The following OPCML variants were observed in gnomAD, a reference collection of about 807,000 sequenced individuals.
OPCML encodes opioid binding protein/cell adhesion molecule like.
OPCML carries 13 observed loss-of-function variants against 37.8 expected under a neutral mutation model. The observed-to-expected ratio is 0.34, with a 90% CI of 0.22 to 0.55. OPCML has a LOEUF of 0.55. OPCML is among the 20% of genes least tolerant of loss of function. OPCML has a pLI of 0.91. For missense variants in OPCML, 341 were observed against 435.6 expected (o/e 0.78, Z 1.93); for synonymous variants, 176 against 168.8 (o/e 1.04, Z -0.33).
intron 1 of OPCML, among the ~76,000 whole-genome samples, chr11:133,087,876 G>T (rs1948840137): frequency 6.6e-6 from 1 of 152,142 alleles, no homozygotes; most frequent in Non-Finnish European, 1.5e-5. Flanking sequence ...CTGTAAAACG[G>T]GCACTCAGCT....
At chr11:133,074,317 C>G (rs1035329211) in intron 1 of OPCML, among the ~76,000 whole-genome samples, 16 of 152,326 alleles carry the variant, frequency 1.1e-4, no homozygotes, top group Admixed American at 6.5e-4. Flanking sequence ...GACCAGAAGA[C>G]TTCTAAAGTC....
chr11:132,558,657 C>T (rs545455207), intron 3 of OPCML, among the ~76,000 whole-genome samples: 3 of 151,458 alleles, frequency 2.0e-5, no homozygotes, highest in Non-Finnish European at 2.9e-5. Flanking sequence ...CATAATACCT[C>T]TTTTATGATT....
At chr11:133,197,213 A>G (rs1215301402) in intron 1 of OPCML, among the ~76,000 whole-genome samples, 1 of 152,260 alleles carries the variant, frequency 6.6e-6, no homozygotes, top group Non-Finnish European at 1.5e-5. Flanking sequence ...ACCCTGAGTG[A>G]TACCATCAGG....
At chr11:133,102,519 T>A (rs1267885963) in intron 1 of OPCML, among the ~76,000 whole-genome samples, 1 of 152,016 alleles carries the variant, frequency 6.6e-6, no homozygotes, top group Non-Finnish European at 1.5e-5. Flanking sequence ...GAGGCCGAGG[T>A]GGGTGGATCA....
intron 4 of OPCML, among the ~76,000 whole-genome samples, chr11:132,520,674 ATGTG>A (rs1555144701): frequency 3.1e-5 from 4 of 128,094 alleles, no homozygotes; most frequent in South Asian, 2.7e-4. Flanking sequence ...CTAAATATAT[ATGTG>A]TGTGTGTGTG....
At chr11:133,123,358 ATTG>A (rs1215745607) in intron 1 of OPCML, among the ~76,000 whole-genome samples, 4 of 152,170 alleles carry the variant, frequency 2.6e-5, no homozygotes, top group South Asian at 2.1e-4. Context: ...TAGGGACCAT[ATTG>A]TTGTTTATCA....
intron 3 of OPCML, among the ~76,000 whole-genome samples, chr11:132,599,007 C>T (rs1038508719): frequency 9.2e-5 from 14 of 152,128 alleles, no homozygotes; most frequent in Admixed American, 9.2e-4. Context: ...TGGCCATGTG[C>T]AGTGGTTCAT....
intron 1 of OPCML, chr11:133,064,827 G>C (rs1280717146): frequency 6.6e-6 from 1 of 152,230 alleles, no homozygotes. Flanking sequence ...TGGAAGCCTG[G>C]CATGTGCTAA....
chr11:132,879,130 TG>T (rs1280150848), intron 2 of OPCML, among the ~76,000 whole-genome samples: 1 of 152,208 alleles, frequency 6.6e-6, no homozygotes, highest in East Asian at 1.9e-4. Context: ...TGGAGACAAA[TG>T]TCTAAAACAA....
At chr11:132,856,345 GAA>G (rs1473160067) in intron 2 of OPCML, among the ~76,000 whole-genome samples, 1 of 152,172 alleles carries the variant, frequency 6.6e-6, no homozygotes, top group Non-Finnish European at 1.5e-5. Context: ...AAAAAGTTGA[GAA>G]ACAGTCACAC....
chr11:133,316,238 G>A (rs1430178389), intron 1 of OPCML, among the ~76,000 whole-genome samples: 1 of 152,060 alleles, frequency 6.6e-6, no homozygotes, highest in East Asian at 1.9e-4. Context: ...AAGGGGAGGA[G>A]GATGGTAAGA....
At chr11:132,627,121 C>T (rs778615902) in intron 3 of OPCML, among the ~76,000 whole-genome samples, 15 of 151,814 alleles carry the variant, frequency 9.9e-5, no homozygotes, top group Non-Finnish European at 1.9e-4. Flanking sequence ...TACTGAATTG[C>T]TTACAAAACT....
chr11:133,070,294 A>C (rs1225715454), intron 1 of OPCML, among the ~76,000 whole-genome samples: 1 of 152,230 alleles, frequency 6.6e-6, no homozygotes, highest in Non-Finnish European at 1.5e-5. Flanking sequence ...GTGTCTTTCA[A>C]ACAGGCAACT....
At chr11:133,171,228 A>G (rs1224558322) in intron 1 of OPCML, among the ~76,000 whole-genome samples, 3 of 152,208 alleles carry the variant, frequency 2.0e-5, no homozygotes, top group African/African-American at 7.2e-5. Context: ...TCAAGAAGGT[A>G]TTTCCAGTTT....
rs1565645981 is a variant in OPCML at position 133,458,818 on chromosome 11, T to TACAC, written c.61+73445_61+73446insGTGT. ...ACGTGTGTGTGTATATACACATAGA[T>TACAC]GCACGTGTGTGTGTATATACACATA... On this transcript the variant is annotated intron_variant, in intron 1 of 7. Coordinates refer to ENST00000524381, the MANE Select transcript of OPCML (RefSeq NM_001012393.5). Among the ~76,000 whole-genome samples, 85 of 151,410 alleles carry TACAC rather than the reference T, an allele frequency of 5.6e-4. 3 individuals carry two copies. The highest frequency in any genetic ancestry group is 2.0e-3 in the African/African-American group (82 of 41,154).
At position 132,778,049 on chromosome 11, in the gene OPCML, C is replaced by A. The variant is rs771451841; in HGVS notation, c.147-120730G>T. 5.3e-5 allele frequency among the ~76,000 whole-genome samples: 8 copies of A among 152,312 alleles called. No homozygotes were observed. In the South Asian group the frequency reaches 1.0e-3, roughly 20 times the overall value. ...CTGAAAGAAGAGAGGTTTATGTTCT[C>A]CTGGAAGGCTGACCAGCAGTAACTT... On this transcript the variant is annotated intron_variant, in intron 2 of 7. Coordinates refer to ENST00000524381, the MANE Select transcript of OPCML (RefSeq NM_001012393.5).
chr11:133,128,886 T>G (rs1390452604), intron 1 of OPCML, among the ~76,000 whole-genome samples: 2 of 152,104 alleles, frequency 1.3e-5, no homozygotes, highest in Non-Finnish European at 2.9e-5. Flanking sequence ...GGGCTTCTGC[T>G]TCTGGCCAAA....
At chr11:132,939,934 G>GTGA (rs1386402816) in intron 2 of OPCML, among the ~76,000 whole-genome samples, 2 of 152,184 alleles carry the variant, frequency 1.3e-5, no homozygotes, top group African/African-American at 4.8e-5. Flanking sequence ...TTCAACCATA[G>GTGA]TGAAGAGCAC....
chr11:133,341,231 T>C (rs886104955), intron 1 of OPCML, among the ~76,000 whole-genome samples: 6 of 152,154 alleles, frequency 3.9e-5, no homozygotes, highest in African/African-American at 1.4e-4. Flanking sequence ...TGAATTCTAA[T>C]GAACAAAAAA....
Sources: gnomAD v4.1 joint callset for allele counts (sites outside exome capture counted in the v4.1 genomes callset) on GRCh38, gnomAD v4.1.1 for gene constraint, MANE v1.5 for transcripts, NCBI Gene and HGNC (gene_info 2026-07-23, HGNC 2026-07-21) for gene names.